The following NTM variants were observed in gnomAD, a reference collection of about 807,000 sequenced individuals.
NTM encodes the protein neurotrimin.
A neutral mutation model predicts 42.1 loss-of-function variants in NTM; 13 were observed. The ratio of observed to expected loss-of-function variants is 0.31; its 90% confidence interval spans 0.20 to 0.49. NTM has a LOEUF of 0.49. NTM is among the 20% of genes least tolerant of loss of function. NTM has a pLI of 0.99. For missense variants in NTM, 373 were observed against 452.8 expected, an observed-to-expected ratio of 0.82 and a Z score of 1.60; for synonymous variants, 187 against 179.2, an observed-to-expected ratio of 1.04 and a Z score of -0.35.
intron 4 of NTM, among the ~76,000 whole-genome samples, chr11:132,262,270 G>A (rs1264592812): frequency 6.6e-6 from 1 of 152,144 alleles, no homozygotes; most frequent in Non-Finnish European, 1.5e-5. Flanking sequence ...ACCTACCAAG[G>A]CCTTTTGGCT....
chr11:131,585,187 G>A (rs1000367425), intron 1 of NTM, among the ~76,000 whole-genome samples: 2 of 152,208 alleles, frequency 1.3e-5, no homozygotes, highest in Admixed American at 1.3e-4. Context: ...CTTTTTTTGT[G>A]TGAATTAGTT....
intron 2 of NTM, among the ~76,000 whole-genome samples, chr11:132,031,728 A>C (rs1227171727): frequency 1.3e-5 from 2 of 152,202 alleles, no homozygotes; most frequent in Non-Finnish European, 2.9e-5. Flanking sequence ...TCTAGTGCTC[A>C]GGACAGAGGT....
intron 1 of NTM, among the ~76,000 whole-genome samples, chr11:131,459,267 C>T (rs1388783602): frequency 6.6e-6 from 1 of 152,222 alleles, no homozygotes; most frequent in Non-Finnish European, 1.5e-5. Flanking sequence ...ATTGTCCTCA[C>T]CTGCTTCTCT....
At chr11:131,964,263 A>C (rs1022128403) in intron 2 of NTM, among the ~76,000 whole-genome samples, 1 of 152,136 alleles carries the variant, frequency 6.6e-6, no homozygotes, top group Non-Finnish European at 1.5e-5. Context: ...ATCTACTTAG[A>C]TGGGTCATTT....
At chr11:132,104,743 G>T (rs772992919) in intron 2 of NTM, among the ~76,000 whole-genome samples, 51 of 149,284 alleles carry the variant, frequency 3.4e-4, no homozygotes, top group Non-Finnish European at 5.0e-4. Context: ...AAAAAGAAAA[G>T]AAAAAAAATA....
intron 1 of NTM, among the ~76,000 whole-genome samples, chr11:131,576,555 A>G (rs2057953306): frequency 6.6e-6 from 1 of 152,180 alleles, no homozygotes; most frequent in Non-Finnish European, 1.5e-5. Flanking sequence ...GAGAGGCTCT[A>G]GTTCACACCA....
intron 3 of NTM, among the ~76,000 whole-genome samples, chr11:132,147,538 GT>G (rs1287588332): frequency 1.5e-4 from 22 of 143,060 alleles, no homozygotes; most frequent in Non-Finnish European, 3.0e-4. Context: ...CTATTTCAGT[GT>G]TAGCTATGGA....
intron 2 of NTM, among the ~76,000 whole-genome samples, chr11:131,954,083 T>C (rs1343335883): frequency 2.6e-5 from 4 of 152,238 alleles, no homozygotes; most frequent in Non-Finnish European, 5.9e-5. Context: ...CATGGCTATA[T>C]GCTCACAGTG....
rs1222372266 is a variant in NTM, at chr11:132,003,663, TC to T, written c.167+92017del. Reference sequence around the variant, plus strand: ...TGTTCACTCAAGAAGAAAAGGCTTTTCCTGGTAGGTCTGTCTGTAGCTCAAT... The same window carrying T: ...TGTTCACTCAAGAAGAAAAGGCTTTTCTGGTAGGTCTGTCTGTAGCTCAAT... On this transcript the variant is annotated intron_variant, in intron 2 of 8. Coordinates refer to ENST00000683400, the MANE Select transcript of NTM (RefSeq NM_001352005.2). The surrounding 1 kb of genome is among the most constrained non-coding windows in gnomAD (Gnocchi z 6.0). Among the ~76,000 whole-genome samples the T allele has an allele frequency of 6.6e-6, 1 of 152,182 alleles. No individual in the cohort carries two copies.
At chr11:131,845,660 G>T (rs2044811350) in intron 1 of NTM, among the ~76,000 whole-genome samples, 1 of 149,896 alleles carries the variant, frequency 6.7e-6, no homozygotes, top group Admixed American at 6.7e-5. Flanking sequence ...AACCAACTTT[G>T]CACTCCTGAG....
In NTM at chr11:131,995,350, T is replaced by C. The variant is rs117753434; in HGVS notation, c.167+83702T>C. Reference sequence around the variant, plus strand: ...ATGGGACTGCCATTCTACTGCAGACTACAACAACGGAATGGAAGGTTGAGG... The same window carrying C: ...ATGGGACTGCCATTCTACTGCAGACCACAACAACGGAATGGAAGGTTGAGG... On this transcript the variant is annotated intron_variant, in intron 2 of 8. Transcript: ENST00000683400. 2.0e-5 allele frequency among the ~76,000 whole-genome samples: 3 copies of C among 152,258 alleles called. No homozygotes were observed. The East Asian group carries it at 5.8e-4, about 29-fold the overall frequency.
At chr11:131,958,343 C>G (rs1429121510) in intron 2 of NTM, among the ~76,000 whole-genome samples, 1 of 152,062 alleles carries the variant, frequency 6.6e-6, no homozygotes, top group Non-Finnish European at 1.5e-5. Flanking sequence ...TGTGGGAGAA[C>G]AGAGTGAAGA....
chr11:132,189,641 TACACAC>T (rs35740557), intron 3 of NTM, among the ~76,000 whole-genome samples: 6,750 of 149,198 alleles, frequency 0.045, 270 homozygotes, highest in East Asian at 0.12. Context: ...TCACGGCAGA[TACACAC>T]ACACACACAC....
intron 1 of NTM, among the ~76,000 whole-genome samples, chr11:131,824,434 A>C (rs1384812260): frequency 1.3e-5 from 2 of 152,210 alleles, no homozygotes; most frequent in African/African-American, 4.8e-5. Flanking sequence ...CACAGTGTAC[A>C]AGATGGACAC....
intron 1 of NTM, among the ~76,000 whole-genome samples, chr11:131,683,905 G>C (rs985553486): frequency 2.0e-5 from 3 of 152,182 alleles, no homozygotes; most frequent in Non-Finnish European, 4.4e-5. Context: ...GCGCTGATCT[G>C]CTGGAGGGTG....
chr11:131,697,506 G>A (rs1042354738), intron 1 of NTM, among the ~76,000 whole-genome samples: 3 of 152,152 alleles, frequency 2.0e-5, no homozygotes, highest in African/African-American at 7.2e-5. Context: ...TTAGGCATGC[G>A]TTGGGTCTTC....
chr11:131,580,941 G>A (rs1422559326), intron 1 of NTM, among the ~76,000 whole-genome samples: 1 of 152,110 alleles, frequency 6.6e-6, no homozygotes, highest in Non-Finnish European at 1.5e-5. Flanking sequence ...CCACCAAAAG[G>A]TCAAAAGTAA....
intron 2 of NTM, among the ~76,000 whole-genome samples, chr11:131,972,594 A>G (rs1409631002): frequency 6.6e-6 from 1 of 152,050 alleles, no homozygotes; most frequent in Non-Finnish European, 1.5e-5. Flanking sequence ...TACTGTTTTC[A>G]TATGTTGGGT....
At chr11:131,375,422 G>T (rs889234960) in intron 1 of NTM, among the ~76,000 whole-genome samples, 1 of 152,230 alleles carries the variant, frequency 6.6e-6, no homozygotes, top group African/African-American at 2.4e-5. Context: ...AAGAAAGCAT[G>T]CAGTAATAAA....
Sources: gnomAD v4.1 joint callset for allele counts (sites outside exome capture counted in the v4.1 genomes callset) on GRCh38, gnomAD v4.1.1 for gene constraint, Gnocchi (gnomAD v3.1) non-coding constraint, MANE v1.5 for transcripts, NCBI Gene and HGNC (gene_info 2026-07-23, HGNC 2026-07-21) for gene names.